DOCK9: variants seen among roughly 807,000 people sequenced by gnomAD.
The protein encoded by DOCK9 is dedicator of cytokinesis protein 9.
In DOCK9, 89 loss-of-function variants were observed where a neutral mutation model predicts 263.3. The ratio of observed to expected loss-of-function variants is 0.34; its 90% confidence interval spans 0.28 to 0.40. The LOEUF (loss-of-function observed/expected upper bound fraction) is 0.40. Among genes scored for constraint, DOCK9 ranks in the 10% least tolerant of loss-of-function variants. The pLI is 1.00. For synonymous variants in DOCK9, 976 were observed against 973.1 expected, an observed-to-expected ratio of 1.00 and a Z score of -0.06; for missense variants, 2,140 against 2,603.4, an observed-to-expected ratio of 0.82 and a Z score of 3.87.
chr13:98,849,994 T>G, intron 36 of DOCK9, 53 bp downstream of exon 36: 1 of 1,326,266 alleles, frequency 7.5e-7, no homozygotes, highest in Non-Finnish European at 1.1e-6. Flanking sequence ...TTCAAGCCTC[T>G]TAATGATCCA....
rs533977497 is a variant in DOCK9, at chr13:99,057,811, A to G, written c.129+28412T>C. Among the ~76,000 whole-genome samples, 10 of 152,352 alleles carry G rather than the reference A, an allele frequency of 6.6e-5. No individual in the cohort carries two copies. The South Asian group carries it at 2.1e-3, about 32-fold the overall frequency. ...AGATCAGCAGGCACTCGCCTTGGAC[A>G]GTAAACTAATTGACACACATTTAAC... On this transcript the variant is annotated intron_variant, in intron 1 of 32. Transcript: ENST00000427887.
intron 38 of DOCK9, among the ~76,000 whole-genome samples, chr13:98,840,274 G>A (rs2093162547): frequency 6.6e-6 from 1 of 152,188 alleles, no homozygotes; most frequent in African/African-American, 2.4e-5. Flanking sequence ...GGCAAGTAAG[G>A]AGTGCGGTGT....
intron 12 of DOCK9, 47 bp downstream of exon 12, chr13:98,902,241 T>C (rs757318041): frequency 1.9e-6 from 3 of 1,598,040 alleles, no homozygotes; most frequent in Non-Finnish European, 2.6e-6. Context: ...TTAGGTAGCA[T>C]GCAAAGTGAG....
chr13:98,810,894 C>G (rs1447470995), intron 45 of DOCK9, among the ~76,000 whole-genome samples: 1 of 152,212 alleles, frequency 6.6e-6, no homozygotes, highest in Non-Finnish European at 1.5e-5. Flanking sequence ...AAATCTATTT[C>G]CTGGCCACAG....
At chr13:98,880,864 A>C (rs951374280) in intron 25 of DOCK9, among the ~76,000 whole-genome samples, 192 bp from the exon 26 acceptor site, 4 of 152,156 alleles carry the variant, frequency 2.6e-5, no homozygotes, top group Admixed American at 2.0e-4. Flanking sequence ...TCAAGAAAAT[A>C]TGTGAGTCAT....
chr13:98,889,226 T>C (rs2046260643), intron 15 of DOCK9, among the ~76,000 whole-genome samples: 2 of 152,084 alleles, frequency 1.3e-5, no homozygotes, highest in South Asian at 2.1e-4. Context: ...TACAATGAAC[T>C]TTGGCGACTT....
chr13:98,972,113 A>G (rs1237913410), intron 1 of DOCK9, among the ~76,000 whole-genome samples: 1 of 152,178 alleles, frequency 6.6e-6, no homozygotes, highest in Admixed American at 6.5e-5. Flanking sequence ...TCTGCCACTT[A>G]TTGAATGTGT....
upstream of DOCK9, chr13:99,088,145 T>A (rs2042389678): frequency 6.6e-6 from 1 of 152,306 alleles, no homozygotes; most frequent in Non-Finnish European, 1.5e-5. Flanking sequence ...GGATTGTTTC[T>A]CCAGTGGGTG....
chr13:98,852,818 A>G (rs1481324391), intron 35 of DOCK9, among the ~76,000 whole-genome samples: 1 of 152,222 alleles, frequency 6.6e-6, no homozygotes, highest in Non-Finnish European at 1.5e-5. Flanking sequence ...GTCCAGATAG[A>G]GCATTCATAG....
intron 38 of DOCK9, among the ~76,000 whole-genome samples, chr13:98,844,355 ATTTTTTATT>A (rs1316261169): frequency 6.8e-6 from 1 of 146,022 alleles, no homozygotes; most frequent in Non-Finnish European, 1.5e-5. Context: ...TCTTCATAAC[ATTTTTTATT>A]TTTTTTATTT....
At chr13:99,023,401 G>A (rs909996311) in intron 1 of DOCK9, among the ~76,000 whole-genome samples, 10 of 152,210 alleles carry the variant, frequency 6.6e-5, no homozygotes, top group Admixed American at 2.0e-4. Context: ...AATACTGCAC[G>A]ATTCCATTTG....
At chr13:99,006,377 C>T (rs1382474018) in intron 1 of DOCK9, among the ~76,000 whole-genome samples, 6 of 151,958 alleles carry the variant, frequency 3.9e-5, no homozygotes, top group Non-Finnish European at 5.9e-5. Context: ...ACAAAAATAA[C>T]TATAGATCCA....
chr13:98,812,127 A>ATTTTTTTT, intron 45 of DOCK9, among the ~76,000 whole-genome samples: 1 of 77,644 alleles, frequency 1.3e-5, no homozygotes, highest in East Asian at 4.9e-4. Context: ...AAACCACAGG[A>ATTTTTTTT]TTTTTTTTTT....
At chr13:98,990,307 TATTA>T (rs1879504667) in intron 1 of DOCK9, among the ~76,000 whole-genome samples, 1 of 152,234 alleles carries the variant, frequency 6.6e-6, no homozygotes, top group Non-Finnish European at 1.5e-5. Context: ...CTTAATGTAC[TATTA>T]TTTTCCTTTT....
chr13:98,977,748 GT>G (rs1875435790), intron 1 of DOCK9, 35 bp downstream of exon 1: 1 of 1,605,124 alleles, frequency 6.2e-7, no homozygotes, highest in African/African-American at 1.3e-5. Flanking sequence ...CCAGCATTGG[GT>G]AGACACAGCA....
intron 45 of DOCK9, among the ~76,000 whole-genome samples, chr13:98,815,537 G>C (rs2091764398): frequency 6.6e-6 from 1 of 152,118 alleles, no homozygotes; most frequent in Non-Finnish European, 1.5e-5. Flanking sequence ...CTGCAGTGCA[G>C]TGGCACGATC....
intron 1 of DOCK9, among the ~76,000 whole-genome samples, chr13:99,028,434 C>G (rs1314157297): frequency 6.6e-6 from 1 of 151,880 alleles, no homozygotes; most frequent in African/African-American, 2.4e-5. Flanking sequence ...GGTACAGAAA[C>G]CTAATCAGTT....
chr13:98,879,915 C>A lies in DOCK9; in HGVS notation c.2926G>T (p.Glu976Ter). 6.2e-7 allele frequency: 1 copy of A among 1,607,214 alleles called. No homozygotes were observed. Among genetic ancestry groups the A allele is most frequent in the South Asian group, 1.1e-5 (1 of 89,248 alleles). ...TAACATACCTTAACTTTGGAGTTCT[C>A]TATCAAATGCTGAGCCATAGATTTG... The part of the protein sequence containing the change: ...LIKSMAQHLI[E>*]NSKVKLLRNQ... Residue 976 changes from glutamate to a stop codon, truncating the protein, a stop_gained, in exon 27 of 53, where the codon GAG becomes TAG. Coordinates refer to ENST00000682017, the MANE Select transcript of DOCK9 (RefSeq NM_001366683.2). LOFTEE classifies it high-confidence loss of function.
chr13:98,889,429 G>A (rs1416613901), intron 15 of DOCK9, among the ~76,000 whole-genome samples: 2 of 152,160 alleles, frequency 1.3e-5, no homozygotes, highest in Admixed American at 6.5e-5. Context: ...ATCACCATCA[G>A]GAACTAGAAA....
Sources: gnomAD v4.1 joint callset for allele counts (sites outside exome capture counted in the v4.1 genomes callset) on GRCh38, gnomAD v4.1.1 for gene constraint, MANE v1.5 for transcripts, NCBI Gene and HGNC (gene_info 2026-07-23, HGNC 2026-07-21) for gene names.